Variants in GPC6 observed in about 807,000 individuals in gnomAD.
GPC6 encodes the protein glypican-6.
In GPC6, 14 loss-of-function variants were observed where a neutral mutation model predicts 55.2. That is an observed-to-expected ratio of 0.25 (90% CI 0.17 to 0.40). The LOEUF (loss-of-function observed/expected upper bound fraction) is 0.40, where lower values mean the gene tolerates loss of function less well. Among genes scored for constraint, GPC6 ranks in the 10% least tolerant of loss-of-function variants. The pLI is 1.00. For synonymous variants in GPC6, 278 were observed against 259.6 expected (o/e 1.07, Z -0.68); for missense variants, 641 against 708.5 (o/e 0.90, Z 1.08).
At chr13:93,454,974 C>T (rs1439852276) in intron 1 of GPC6, among the ~76,000 whole-genome samples, 1 of 152,224 alleles carries the variant, frequency 6.6e-6, no homozygotes, top group Non-Finnish European at 1.5e-5. Context: ...AGCGCAGCGT[C>T]GGTGGGTTGG....
chr13:93,387,614 C>T (rs1007198946), intron 1 of GPC6, among the ~76,000 whole-genome samples: 1 of 152,152 alleles, frequency 6.6e-6, no homozygotes, highest in Non-Finnish European at 1.5e-5. Context: ...GGGATAAAGA[C>T]AGTTGATTCA....
intron 2 of GPC6, among the ~76,000 whole-genome samples, chr13:93,690,884 T>C (rs563799608): frequency 7.2e-5 from 11 of 152,272 alleles, no homozygotes; most frequent in Middle Eastern, 6.8e-3. Context: ...AAAATGATCA[T>C]CCCAAATAAC....
intron 1 of GPC6, among the ~76,000 whole-genome samples, chr13:93,438,750 G>A (rs1234400219): frequency 6.6e-6 from 1 of 152,186 alleles, no homozygotes; most frequent in African/African-American, 2.4e-5. Flanking sequence ...AGTTAGTTGA[G>A]AAAGCAGCAG....
intron 2 of GPC6, among the ~76,000 whole-genome samples, chr13:93,713,760 C>G (rs1437898183): frequency 6.6e-6 from 1 of 151,590 alleles, no homozygotes; most frequent in Non-Finnish European, 1.5e-5. Context: ...CTTCATGTAA[C>G]TACAGCAGTT....
At chr13:94,260,103 A>G (rs116284963) in intron 4 of GPC6, among the ~76,000 whole-genome samples, 3,037 of 152,256 alleles carry the variant, frequency 0.02, 95 homozygotes, top group African/African-American at 0.07. Flanking sequence ...CAGATGTTTT[A>G]TAAGTGATAA....
intron 1 of GPC6, among the ~76,000 whole-genome samples, chr13:93,469,894 C>G (rs966484822): frequency 2.0e-5 from 3 of 151,984 alleles, no homozygotes; most frequent in African/African-American, 7.2e-5. Context: ...TTTTGAATTG[C>G]TTTTCTGTTT....
chr13:94,400,164 C>T (rs1223862567), intron 8 of GPC6, among the ~76,000 whole-genome samples: 1 of 152,160 alleles, frequency 6.6e-6, no homozygotes, highest in Non-Finnish European at 1.5e-5. Context: ...ACCCAAGCAC[C>T]AAATGTGGCC....
chr13:93,225,174 T>A (rs1183158670), upstream of GPC6, among the ~76,000 whole-genome samples: 1 of 152,158 alleles, frequency 6.6e-6, no homozygotes, highest in African/African-American at 2.4e-5. Flanking sequence ...ACAGGAAGTG[T>A]GTGTTTTTAC....
chr13:93,737,925 C>G (rs1884058839), intron 2 of GPC6, among the ~76,000 whole-genome samples: 1 of 152,040 alleles, frequency 6.6e-6, no homozygotes, highest in South Asian at 2.1e-4. Context: ...AATTATGCAG[C>G]CTTAGACTTG....
At chr13:93,795,002 A>C (rs1440470507) in intron 2 of GPC6, among the ~76,000 whole-genome samples, 2 of 152,230 alleles carry the variant, frequency 1.3e-5, no homozygotes, top group African/African-American at 4.8e-5. Context: ...CTCAGCATAT[A>C]GACTGTGAAA....
intron 1 of GPC6, among the ~76,000 whole-genome samples, chr13:93,489,208 T>C (rs1414932225): frequency 6.6e-6 from 1 of 151,490 alleles, no homozygotes; most frequent in Non-Finnish European, 1.5e-5. Context: ...GTTTTCCCAG[T>C]GACATTTACT....
At chr13:93,845,122 A>T (rs924253664) in intron 3 of GPC6, among the ~76,000 whole-genome samples, 4 of 152,032 alleles carry the variant, frequency 2.6e-5, no homozygotes, top group Non-Finnish European at 5.9e-5. Flanking sequence ...TGACTTGGCG[A>T]TGCGGGCTCT....
intron 4 of GPC6, among the ~76,000 whole-genome samples, chr13:94,206,300 T>G (rs1165291991): frequency 6.6e-6 from 1 of 152,184 alleles, no homozygotes; most frequent in East Asian, 1.9e-4. Flanking sequence ...CTCTTTTTTC[T>G]TTCTCATTCT....
chr13:93,612,912 A>G (rs779845478), intron 2 of GPC6, among the ~76,000 whole-genome samples: 8 of 152,248 alleles, frequency 5.3e-5, no homozygotes, highest in South Asian at 2.1e-4. Context: ...AGACAAGATA[A>G]ATGAGGGAAA....
intron 1 of GPC6, among the ~76,000 whole-genome samples, chr13:93,298,985 G>T (rs1437654197): frequency 6.6e-6 from 1 of 151,364 alleles, no homozygotes; most frequent in African/African-American, 2.4e-5. Flanking sequence ...ATTAGATTGT[G>T]CACTTCTGGT....
At chr13:93,970,308 A>G (rs1880230637) in intron 3 of GPC6, among the ~76,000 whole-genome samples, 1 of 152,200 alleles carries the variant, frequency 6.6e-6, no homozygotes, top group Non-Finnish European at 1.5e-5. Flanking sequence ...ATGCATAGAC[A>G]AACAAAACCT....
At chr13:93,518,562 A>G (rs904428675) in intron 1 of GPC6, among the ~76,000 whole-genome samples, 3 of 152,000 alleles carry the variant, frequency 2.0e-5, no homozygotes, top group African/African-American at 7.2e-5. Flanking sequence ...TAGGGAAATC[A>G]AAGTTCCTTA....
chr13:93,331,720 CTA>C (rs1018744018), intron 1 of GPC6, among the ~76,000 whole-genome samples: 22 of 152,114 alleles, frequency 1.4e-4, no homozygotes, highest in African/African-American at 4.3e-4. Context: ...GGGGTAAACT[CTA>C]TCAGTTTACC....
At chr13:93,736,395 A>G (rs1005157939) in intron 2 of GPC6, among the ~76,000 whole-genome samples, 2 of 152,210 alleles carry the variant, frequency 1.3e-5, no homozygotes, top group Non-Finnish European at 2.9e-5. Context: ...ACATACATCT[A>G]TTTTTAATAT....
Sources: gnomAD v4.1 joint callset for allele counts (sites outside exome capture counted in the v4.1 genomes callset) on GRCh38, gnomAD v4.1.1 for gene constraint, MANE v1.5 for transcripts, NCBI Gene and HGNC (gene_info 2026-07-23, HGNC 2026-07-21) for gene names.